The following UBE3A variants were observed in gnomAD, a reference collection of about 807,000 sequenced individuals.
UBE3A encodes ubiquitin protein ligase E3A.
Under a neutral mutation model 83.4 loss-of-function variants are expected in UBE3A, and 6 were observed. That is an observed-to-expected ratio of 0.07 (90% CI 0.04 to 0.14). The LOEUF is 0.14. Ranked by LOEUF, UBE3A falls within the 10% of genes least tolerant of loss-of-function variation. The pLI, the probability that UBE3A is intolerant of heterozygous loss-of-function variation, is 1.00. For synonymous variants in UBE3A, 337 were observed against 355.4 expected (o/e 0.95, Z 0.58); for missense variants, 456 against 1,036.1 (o/e 0.44, Z 7.69).
rs191840798 is a variant in UBE3A at position 25,365,191 on chromosome 15, A to T, written c.1609-4664T>A. On this transcript the variant is annotated intron_variant, in intron 6 of 12. Coordinates refer to ENST00000648336, the MANE Select transcript of UBE3A (RefSeq NM_130839.5). ...TGAAATCCTAGGGAGTTCATTTTTT[A>T]AAAAAAAAATCTGACCTGATATCAA... Among the ~76,000 whole-genome samples the T allele has an allele frequency of 7.7e-3, 1,141 of 148,792 alleles. 10 individuals are homozygous for T. Among genetic ancestry groups the T allele is most frequent in the African/African-American group, 0.01 (410 of 40,160 alleles).
chr15:25,398,650 C>T (rs565738729), intron 4 of UBE3A, among the ~76,000 whole-genome samples: 1 of 151,182 alleles, frequency 6.6e-6, no homozygotes, highest in Admixed American at 6.6e-5. Flanking sequence ...ACTGTGTATA[C>T]ATACCACATT....
chr15:25,367,520 G>A (rs911208328), intron 6 of UBE3A, among the ~76,000 whole-genome samples: 34 of 151,962 alleles, frequency 2.2e-4, no homozygotes, highest in African/African-American at 7.7e-4. Context: ...TAGGGTGGGG[G>A]TGTTCTTAAG....
intron 6 of UBE3A, among the ~76,000 whole-genome samples, chr15:25,367,260 A>C (rs2079422915): frequency 2.3e-5 from 2 of 87,430 alleles, no homozygotes; most frequent in Admixed American, 1.1e-4. Flanking sequence ...CATATTTGTA[A>C]ATATGTAAAT....
chr15:25,377,647 G>C (rs1355645579), intron 4 of UBE3A, among the ~76,000 whole-genome samples: 1 of 152,072 alleles, frequency 6.6e-6, no homozygotes, highest in Non-Finnish European at 1.5e-5. Context: ...TTCCTTTCTG[G>C]AGGAAAACAG....
At chr15:25,374,147 A>G (rs1044367382) in intron 5 of UBE3A, 8 of 152,386 alleles carry the variant, frequency 5.2e-5, no homozygotes, top group Non-Finnish European at 1.0e-4. Context: ...AAAACAAAAA[A>G]ACCAGTAACG....
Position 25,338,938 on chromosome 15 carries a change from T to C in UBE3A, c.*199A>G, listed in dbSNP as rs182421497. On this transcript the variant is annotated 3_prime_UTR_variant, in exon 13 of 13. Coordinates refer to ENST00000648336, the MANE Select transcript of UBE3A (RefSeq NM_130839.5). ...TTTGTTCATATATGTAGCTGAAATC[T>C]GCTGTTCCAGCCCACATGTCCCCAA... is the stretch of plus-strand genomic sequence containing the variant. 546 of 378,708 alleles carry C rather than the reference T, an allele frequency of 1.4e-3. 6 individuals carry two copies. Among genetic ancestry groups the C allele is most frequent in the Non-Finnish European group, 3.8e-4 (82 of 218,502 alleles). 23.5% of individuals were successfully genotyped at this position (378,708 alleles called of 1,614,324 possible).
chr15:25,416,624 G>A (rs1489290618), intron 1 of UBE3A, among the ~76,000 whole-genome samples: 3 of 142,766 alleles, frequency 2.1e-5, no homozygotes, highest in Admixed American at 7.0e-5. Context: ...ACTTAGAAGT[G>A]TATAGCTTAA....
At chr15:25,369,350 T>TAA (rs796250204) in intron 6 of UBE3A, among the ~76,000 whole-genome samples, 2 of 99,706 alleles carry the variant, frequency 2.0e-5, no homozygotes, top group African/African-American at 7.0e-5. Flanking sequence ...TATCTGACAT[T>TAA]AAAAAAAAAA....
At chr15:25,364,667 G>A (rs540593823) in intron 6 of UBE3A, among the ~76,000 whole-genome samples, 14 of 140,912 alleles carry the variant, frequency 9.9e-5, no homozygotes, top group African/African-American at 3.1e-4. Context: ...TTTTTGAGAC[G>A]GAGTCTCGCT....
intron 4 of UBE3A, among the ~76,000 whole-genome samples, chr15:25,401,533 G>A (rs2087084578): frequency 6.6e-6 from 1 of 152,160 alleles, no homozygotes; most frequent in East Asian, 1.9e-4. Context: ...CAAGTTGCAT[G>A]TGTCTAGGAA....
rs543530425 is a variant in UBE3A at position 25,415,135 on chromosome 15, C to A, written c.-164-3164G>T. Among the ~76,000 whole-genome samples, 13 of 152,276 alleles carry A rather than the reference C, an allele frequency of 8.5e-5. No individual in the cohort carries two copies. In the South Asian group the frequency reaches 2.7e-3, roughly 32 times the overall value. ...TGAATTTCCTTAAAAATATCTCTTA[C>A]TCCTTTTTTCCTCAAACTTACCAAC... is the stretch of plus-strand genomic sequence containing the variant. On this transcript the variant is annotated intron_variant, in intron 1 of 12. Transcript: ENST00000648336.
At chr15:25,419,123 G>A (rs1289064834) in intron 1 of UBE3A, 2 of 152,056 alleles carry the variant, frequency 1.3e-5, no homozygotes, top group East Asian at 3.8e-4. Flanking sequence ...AAAATAAATA[G>A]TTGCTGATAT....
chr15:25,406,757 CA>C (rs2088670240), intron 3 of UBE3A, among the ~76,000 whole-genome samples: 2 of 128,686 alleles, frequency 1.6e-5, no homozygotes, highest in African/African-American at 5.8e-5. Flanking sequence ...TAGCTAAAAA[CA>C]AAAACAAAAA....
At chr15:25,363,378 T>C (rs2078449333) in intron 6 of UBE3A, among the ~76,000 whole-genome samples, 1 of 152,226 alleles carries the variant, frequency 6.6e-6, no homozygotes. Flanking sequence ...AAATATTTTC[T>C]GAAAACCTAC....
intron 4 of UBE3A, among the ~76,000 whole-genome samples, chr15:25,383,813 T>C (rs532592878): frequency 6.6e-6 from 1 of 152,226 alleles, no homozygotes. Flanking sequence ...CCACTTCTAT[T>C]CAACATACTG....
At chr15:25,357,725 A>G (rs572831636) in intron 7 of UBE3A, 1 of 152,266 alleles carries the variant, frequency 6.6e-6, no homozygotes, top group African/African-American at 2.4e-5. Flanking sequence ...TTTTTCTAGC[A>G]TTTTCCTAAT....
At chr15:25,376,625 G>A (rs900497485) in intron 4 of UBE3A, among the ~76,000 whole-genome samples, 3 of 152,178 alleles carry the variant, frequency 2.0e-5, no homozygotes, top group African/African-American at 7.2e-5. Context: ...CTGGGCAACA[G>A]AGCTAGACTT....
intron 11 of UBE3A, among the ~76,000 whole-genome samples, chr15:25,352,435 T>C (rs2076642356): frequency 6.6e-6 from 1 of 152,228 alleles, no homozygotes; most frequent in Admixed American, 6.5e-5. Context: ...ACAAATTTTT[T>C]TGTTTCCCAG....
chr15:25,367,242 AATATTTGC>A (rs1566941605), intron 6 of UBE3A, among the ~76,000 whole-genome samples: 1 of 77,942 alleles, frequency 1.3e-5, no homozygotes, highest in Non-Finnish European at 2.3e-5. Flanking sequence ...TAAATATGTA[AATATTTGC>A]ATATTTGTAA....
Sources: allele counts gnomAD v4.1 joint callset (sites outside exome capture counted in the v4.1 genomes callset), GRCh38; gene constraint gnomAD v4.1.1; transcripts MANE v1.5; gene names NCBI Gene and HGNC (gene_info 2026-07-23, HGNC 2026-07-21).